Variants in PRMT8 observed in about 807,000 individuals in gnomAD.
The protein encoded by PRMT8 is protein arginine methyltransferase 8.
Under a neutral mutation model 47.1 loss-of-function variants are expected in PRMT8, and 7 were observed. The observed-to-expected ratio is 0.15, with a 90% CI of 0.08 to 0.28. The LOEUF is 0.28. PRMT8 is among the 10% of genes least tolerant of loss of function. The pLI is 1.00. For synonymous variants in PRMT8, 188 were observed against 186.5 expected, an observed-to-expected ratio of 1.01 and a Z score of -0.07; for missense variants, 237 against 505.4, an observed-to-expected ratio of 0.47 and a Z score of 5.09.
intron 1 of PRMT8, among the ~76,000 whole-genome samples, chr12:3,465,341 C>A (rs1012450728): frequency 1.6e-4 from 24 of 147,364 alleles, no homozygotes; most frequent in Non-Finnish European, 2.8e-4. Context: ...AAAATAAACC[C>A]GACTCCTCTC....
At chr12:3,562,619 C>T (rs914357634) in intron 4 of PRMT8, among the ~76,000 whole-genome samples, 4 of 152,164 alleles carry the variant, frequency 2.6e-5, no homozygotes, top group East Asian at 1.9e-4. Flanking sequence ...GAGCCAATTG[C>T]GTGCGCTCAT....
chr12:3,437,161 A>G (rs1003259314), intron 1 of PRMT8, among the ~76,000 whole-genome samples: 2 of 152,168 alleles, frequency 1.3e-5, no homozygotes, highest in Admixed American at 1.3e-4. Context: ...TGATGCTTCT[A>G]GAAACTTATC....
chr12:3,393,353 C>T (rs1463786937), intron 1 of PRMT8, among the ~76,000 whole-genome samples: 4 of 149,702 alleles, frequency 2.7e-5, no homozygotes, highest in African/African-American at 5.0e-5. Flanking sequence ...TTAGGTATAA[C>T]GTTTAAGTCT....
At chr12:3,450,423 T>A (rs761271891) in intron 1 of PRMT8, among the ~76,000 whole-genome samples, 3 of 152,224 alleles carry the variant, frequency 2.0e-5, no homozygotes, top group Non-Finnish European at 4.4e-5. Context: ...ACCTTAGAAA[T>A]GTTTCTAAGT....
Position 3,540,612 on chromosome 12 carries a change from A to AGGC in PRMT8, c.83_84insGCG (p.Ser28delinsArgArg). The AGGC allele has an allele frequency of 8.8e-7, 1 of 1,131,134 alleles. No homozygotes were observed. Among genetic ancestry groups the AGGC allele is most frequent in the Non-Finnish European group, 1.3e-6 (1 of 749,220 alleles). The allele number at this position is 1,131,134 out of a possible 1,614,324, so 70.1% of individuals were successfully genotyped here. The stretch of plus-strand genomic sequence containing the variant: ...CCCCTTCTCTTCCCCTCAGGTGAAC[A>AGGC]GCCCCCCCTCCCAGCCCCCCCAGCC... On this transcript the variant is annotated protein_altering_variant, in exon 2 of 10. Transcript: ENST00000382622.
rs1410204222 is a variant in PRMT8 at position 3,409,481 on chromosome 12, A to G, written c.48+28039A>G. On this transcript the variant is annotated intron_variant, in intron 1 of 9. Coordinates refer to the PRMT8 transcript ENST00000452611. This position sits in a 1 kb window ranked among gnomAD's most constrained non-coding sequence, Gnocchi z 4.4. ...GCAAGGACCCCTGGGTCCTTGGTGAAATTCAGCTGCAGCTTGGGCCTCAGG... is the reference window on the plus strand; with the variant it reads ...GCAAGGACCCCTGGGTCCTTGGTGAGATTCAGCTGCAGCTTGGGCCTCAGG... 6.6e-6 allele frequency among the ~76,000 whole-genome samples: 1 copy of G among 152,048 alleles called. No individual in the cohort carries two copies. Among genetic ancestry groups the G allele is most frequent in the Non-Finnish European group, 1.5e-5 (1 of 67,982 alleles).
intron 1 of PRMT8, among the ~76,000 whole-genome samples, chr12:3,536,400 C>CT (rs1190195255): frequency 6.6e-6 from 1 of 152,168 alleles, no homozygotes; most frequent in African/African-American, 2.4e-5. Context: ...CTGCATGGCA[C>CT]ACGGCAGACA....
At chr12:3,483,135 T>C (rs916951315) in intron 1 of PRMT8, among the ~76,000 whole-genome samples, 1 of 152,202 alleles carries the variant, frequency 6.6e-6, no homozygotes, top group Admixed American at 6.5e-5. Context: ...TGCCTGGGGC[T>C]GCTGTGGGGA....
chr12:3,475,828 C>G (rs1865206865), intron 1 of PRMT8, among the ~76,000 whole-genome samples: 1 of 152,228 alleles, frequency 6.6e-6, no homozygotes, highest in Admixed American at 6.5e-5. Flanking sequence ...TCCCAGAACA[C>G]TCTTGTTTGT....
intron 1 of PRMT8, among the ~76,000 whole-genome samples, chr12:3,510,292 G>A (rs190170987): frequency 3.9e-5 from 6 of 152,198 alleles, no homozygotes; most frequent in African/African-American, 1.2e-4. Context: ...CTGTGGGTCC[G>A]ACACAACCAT....
chr12:3,545,318 C>T (rs118093585), intron 2 of PRMT8, among the ~76,000 whole-genome samples: 282 of 152,328 alleles, frequency 1.9e-3, no homozygotes, highest in Middle Eastern at 3.4e-3. Flanking sequence ...TTCCGGCTTA[C>T]TGAGCACCTG....
In PRMT8 at chr12:3,552,381, A is replaced by G. The variant is rs1402949074; in HGVS notation, c.418-1270A>G. The G allele has an allele frequency of 5.3e-6, 1 of 188,606 alleles. No homozygotes were observed. Among genetic ancestry groups the G allele is most frequent in the African/African-American group, 2.4e-5 (1 of 42,448 alleles). The allele number at this position is 188,606 out of a possible 1,614,324, so 11.7% of individuals were successfully genotyped here. On this transcript the variant is annotated intron_variant, in intron 3 of 9. Coordinates refer to ENST00000382622, the MANE Select transcript of PRMT8 (RefSeq NM_019854.5). The surrounding 1 kb of genome is among the most constrained non-coding windows in gnomAD (Gnocchi z 4.5). Reference sequence around the variant, plus strand: ...GCTTCGGCTGAGTTTACCCTCACACACTCACGTGCATTGGGGGCTTCGACT... The same window carrying G: ...GCTTCGGCTGAGTTTACCCTCACACGCTCACGTGCATTGGGGGCTTCGACT...
Position 3,564,354 on chromosome 12 carries a change from G to A in PRMT8, c.482-4352G>A, listed in dbSNP as rs1866684590. ...CCTACGGGCATCAGCTGACCCTGAT[G>A]GATGCACTGGAGGCTCAAATGAGGT... On this transcript the variant is annotated intron_variant, in intron 4 of 9. Coordinates refer to ENST00000382622, the MANE Select transcript of PRMT8 (RefSeq NM_019854.5). The surrounding 1 kb of genome is among the most constrained non-coding windows in gnomAD (Gnocchi z 4.0). Among the ~76,000 whole-genome samples, 1 of 152,140 alleles carries A rather than the reference G, an allele frequency of 6.6e-6. No individual in the cohort carries two copies. Among genetic ancestry groups the A allele is most frequent in the Non-Finnish European group, 1.5e-5 (1 of 68,038 alleles).
rs77922170 is a variant in PRMT8, at chr12:3,530,683, G to A, written c.76-9923G>A. 3.0e-3 allele frequency among the ~76,000 whole-genome samples: 450 copies of A among 152,294 alleles called. 1 individual carries two copies. The highest frequency in any genetic ancestry group is 5.4e-3 in the Admixed American group (82 of 15,296). On this transcript the variant is annotated intron_variant, in intron 1 of 9. Transcript: ENST00000382622. ...GCACAATGTGTAAGGGAGGGGCCAGGGCCAAGCAGCCAGCAGAACAGGGCT... is the reference window on the plus strand; with the variant it reads ...GCACAATGTGTAAGGGAGGGGCCAGAGCCAAGCAGCCAGCAGAACAGGGCT...
chr12:3,420,332 C>T (rs923726441), intron 1 of PRMT8, among the ~76,000 whole-genome samples: 3 of 152,150 alleles, frequency 2.0e-5, no homozygotes, highest in Non-Finnish European at 4.4e-5. Context: ...AGCCATGGGC[C>T]TCAGTTTCCT....
At chr12:3,414,980 C>T (rs1344397963) in intron 1 of PRMT8, among the ~76,000 whole-genome samples, 2 of 152,056 alleles carry the variant, frequency 1.3e-5, no homozygotes, top group African/African-American at 2.4e-5. Context: ...TCACTTAGGG[C>T]CAAAGTTCCA....
intron 1 of PRMT8, among the ~76,000 whole-genome samples, chr12:3,513,141 A>G (rs1227961009): frequency 6.6e-6 from 1 of 152,210 alleles, no homozygotes; most frequent in Non-Finnish European, 1.5e-5. Flanking sequence ...AAGGACAAAG[A>G]TAGAGATAGA....
intron 1 of PRMT8, among the ~76,000 whole-genome samples, chr12:3,393,270 A>G (rs1311863901): frequency 2.6e-5 from 4 of 152,062 alleles, no homozygotes; most frequent in East Asian, 1.9e-4. Flanking sequence ...TTGGTGTTTT[A>G]GACATGAAGT....
chr12:3,456,999 T>G lies in PRMT8; in HGVS notation c.48+75557T>G, dbSNP rs1406334683. 6.6e-6 allele frequency among the ~76,000 whole-genome samples: 1 copy of G among 152,156 alleles called. No homozygotes were observed. Among genetic ancestry groups the G allele is most frequent in the African/African-American group, 2.4e-5 (1 of 41,414 alleles). On this transcript the variant is annotated intron_variant, in intron 1 of 9. Coordinates refer to the PRMT8 transcript ENST00000452611. The surrounding 1 kb of genome is among the most constrained non-coding windows in gnomAD (Gnocchi z 4.2). ...CATGGCAACTGTAAGGCTGGAGAAA[T>G]AGAGTTCCAGCGCCACCACTGGGAC...
Sources: allele counts gnomAD v4.1 joint callset (sites outside exome capture counted in the v4.1 genomes callset), GRCh38; gene constraint gnomAD v4.1.1; non-coding constraint Gnocchi (gnomAD v3.1); transcripts MANE v1.5; gene names NCBI Gene and HGNC (gene_info 2026-07-23, HGNC 2026-07-21).